Variants in MAP2K5 observed in about 807,000 individuals in gnomAD.
MAP2K5 encodes the protein mitogen-activated protein kinase kinase 5.
In MAP2K5, 49 loss-of-function variants were observed where a neutral mutation model predicts 83.1. The observed-to-expected ratio is 0.59, with a 90% CI of 0.47 to 0.75. MAP2K5 has a LOEUF of 0.75. Among genes scored for constraint, MAP2K5 ranks in the 30% least tolerant of loss-of-function variants. MAP2K5 has a pLI of 0.00. For synonymous variants in MAP2K5, 202 were observed against 191.8 expected (o/e 1.05, Z -0.44); for missense variants, 457 against 557.5 (o/e 0.82, Z 1.82).
intron 8 of MAP2K5, among the ~76,000 whole-genome samples, chr15:67,629,412 A>G (rs574785116): frequency 6.7e-6 from 1 of 150,138 alleles, no homozygotes; most frequent in Non-Finnish European, 1.5e-5. Context: ...TTTTTGCACC[A>G]TGCTGTTGAT....
chr15:67,652,002 T>C lies in MAP2K5; in HGVS notation c.736+5533T>C, dbSNP rs546262012. On this transcript the variant is annotated intron_variant, in intron 11 of 21. Transcript: ENST00000178640. The surrounding 1 kb of genome is among the most constrained non-coding windows in gnomAD (Gnocchi z 4.2). ...ATCAATAGTGTATGAAGGTTCCCCTTTCTCCACATCCTTGCCAGCATCTAT... is the reference window on the plus strand; with the variant it reads ...ATCAATAGTGTATGAAGGTTCCCCTCTCTCCACATCCTTGCCAGCATCTAT... Among the ~76,000 whole-genome samples the C allele has an allele frequency of 5.3e-5, 8 of 152,358 alleles. No homozygotes were observed. Among genetic ancestry groups the C allele is most frequent in the Non-Finnish European group, 1.5e-5 (1 of 68,024 alleles).
At chr15:67,614,041 T>C (rs1300891982) in intron 8 of MAP2K5, among the ~76,000 whole-genome samples, 1 of 152,204 alleles carries the variant, frequency 6.6e-6, no homozygotes, top group Non-Finnish European at 1.5e-5. Flanking sequence ...CCAGAGAATG[T>C]TGAAGACAAC....
At chr15:67,686,603 A>AAATAATAATAATAATAATAATAAT (rs57116318) in intron 13 of MAP2K5, among the ~76,000 whole-genome samples, 1 of 148,452 alleles carries the variant, frequency 6.7e-6, no homozygotes, top group African/African-American at 2.5e-5. Flanking sequence ...ACTGTGTCTC[A>AAATAATAATAATAATAATAATAAT]AATAATAATA....
rs890110306 is a variant in MAP2K5 at position 67,565,459 on chromosome 15, A to T, written c.252+2109A>T. Among the ~76,000 whole-genome samples, 2 of 151,590 alleles carry T rather than the reference A, an allele frequency of 1.3e-5. No homozygotes were observed. Among genetic ancestry groups the T allele is most frequent in the South Asian group, 4.2e-4 (2 of 4,794 alleles). Reference sequence around the variant, plus strand: ...TGGCCAGGCTGGTCTCAAACTCCTGACCCCGTGATCCACCCGCCTCGGCCT... The same window carrying T: ...TGGCCAGGCTGGTCTCAAACTCCTGTCCCCGTGATCCACCCGCCTCGGCCT... On this transcript the variant is annotated intron_variant, in intron 3 of 21. Coordinates refer to ENST00000178640, the MANE Select transcript of MAP2K5 (RefSeq NM_145160.3). This position sits in a 1 kb window ranked among gnomAD's most constrained non-coding sequence, Gnocchi z 4.1.
intron 8 of MAP2K5, among the ~76,000 whole-genome samples, chr15:67,601,145 G>C (rs1030689040): frequency 6.6e-6 from 1 of 152,000 alleles, no homozygotes; most frequent in Non-Finnish European, 1.5e-5. Flanking sequence ...AAATACCATT[G>C]CTTTGCCCTG....
At chr15:67,669,232 G>C (rs2087464225) in intron 13 of MAP2K5, among the ~76,000 whole-genome samples, 1 of 152,134 alleles carries the variant, frequency 6.6e-6, no homozygotes, top group Non-Finnish European at 1.5e-5. Context: ...TTCTAGCAGT[G>C]ATAGAGTGGG....
At position 67,736,329 on chromosome 15, in the gene MAP2K5, C is replaced by T. The variant is rs2089341216; in HGVS notation, c.1074+8384C>T. Among the ~76,000 whole-genome samples the T allele has an allele frequency of 6.6e-6, 1 of 152,206 alleles. No homozygotes were observed. The highest frequency in any genetic ancestry group is 2.1e-4 in the South Asian group (1 of 4,826). On this transcript the variant is annotated intron_variant, in intron 17 of 21. Coordinates refer to ENST00000178640, the MANE Select transcript of MAP2K5 (RefSeq NM_145160.3). This position sits in a 1 kb window ranked among gnomAD's most constrained non-coding sequence, Gnocchi z 4.3. ...TGCCCCTGAGGGGTTCCCTGCCACCCTTTATGAATTTGGCTTGGTATATCA... is the reference window on the plus strand; with the variant it reads ...TGCCCCTGAGGGGTTCCCTGCCACCTTTTATGAATTTGGCTTGGTATATCA...
rs768527739 is a variant in MAP2K5 at position 67,702,741 on chromosome 15, C to A, written c.973-596C>A. On this transcript the variant is annotated intron_variant, in intron 15 of 21. Coordinates refer to ENST00000178640, the MANE Select transcript of MAP2K5 (RefSeq NM_145160.3). The surrounding 1 kb of genome is among the most constrained non-coding windows in gnomAD (Gnocchi z 4.6). ...GGACCTTTCAGACTGTTCCTTGGTT[C>A]ATATACAAAGAAACTCTGATCAATG... 1.3e-5 allele frequency among the ~76,000 whole-genome samples: 2 copies of A among 152,044 alleles called. No individual in the cohort carries two copies. Among genetic ancestry groups the A allele is most frequent in the Non-Finnish European group, 2.9e-5 (2 of 68,016 alleles).
intron 4 of MAP2K5, among the ~76,000 whole-genome samples, chr15:67,583,866 G>C (rs2085235334): frequency 6.6e-6 from 1 of 152,000 alleles, no homozygotes; most frequent in South Asian, 2.1e-4. Context: ...TCTCGCCTCA[G>C]CTCCTGAGTA....
intron 3 of MAP2K5, among the ~76,000 whole-genome samples, chr15:67,576,216 C>T (rs1448749283): frequency 6.8e-6 from 1 of 147,338 alleles, no homozygotes; most frequent in Non-Finnish European, 1.5e-5. Flanking sequence ...TGCTTCCATC[C>T]TTCTCTCTTT....
intron 16 of MAP2K5, among the ~76,000 whole-genome samples, chr15:67,726,767 G>C (rs893519382): frequency 6.6e-6 from 1 of 152,216 alleles, no homozygotes; most frequent in Non-Finnish European, 1.5e-5. Context: ...TAGCGTTAAA[G>C]TCCCTGATGT....
chr15:67,645,371 G>C (rs1460255564), intron 9 of MAP2K5, among the ~76,000 whole-genome samples: 3 of 150,932 alleles, frequency 2.0e-5, no homozygotes, highest in Non-Finnish European at 4.4e-5. Flanking sequence ...CCAGCTACTT[G>C]GGTGGCTGAG....
intron 8 of MAP2K5, among the ~76,000 whole-genome samples, chr15:67,610,671 G>A (rs1451995245): frequency 6.6e-6 from 1 of 151,932 alleles, no homozygotes; most frequent in Non-Finnish European, 1.5e-5. Context: ...CTGTTAAATT[G>A]CTGTCTTACT....
chr15:67,769,569 G>C lies in MAP2K5; in HGVS notation c.1135-33G>C. ...ATAAAGAAAGAGAAGGAACTGTTGT[G>C]ACTTTTGGTGACATGTTTTTCCTCC... On this transcript the variant is annotated intron_variant, in intron 19 of 21. Coordinates refer to ENST00000178640, the MANE Select transcript of MAP2K5 (RefSeq NM_145160.3). The surrounding 1 kb of genome is among the most constrained non-coding windows in gnomAD (Gnocchi z 5.2). 1 of 1,606,208 alleles carries C rather than the reference G, an allele frequency of 6.2e-7. No individual in the cohort carries two copies. The highest frequency in any genetic ancestry group is 8.5e-7 in the Non-Finnish European group (1 of 1,173,056).
rs1233183706 is a variant in MAP2K5 at position 67,724,811 on chromosome 15, T to C, written c.1045-3105T>C. ...AAAATGACTGCTTTCAGTGCCAGCC[T>C]AATAGTGCACTTGCCAGTTTTCACT... On this transcript the variant is annotated intron_variant, in intron 16 of 21. Coordinates refer to ENST00000178640, the MANE Select transcript of MAP2K5 (RefSeq NM_145160.3). This position sits in a 1 kb window ranked among gnomAD's most constrained non-coding sequence, Gnocchi z 4.4. Among the ~76,000 whole-genome samples the C allele has an allele frequency of 6.6e-6, 1 of 152,210 alleles. No homozygotes were observed. Among genetic ancestry groups the C allele is most frequent in the Non-Finnish European group, 1.5e-5 (1 of 68,044 alleles).
intron 13 of MAP2K5, among the ~76,000 whole-genome samples, chr15:67,689,216 C>T (rs1293360387): frequency 1.3e-5 from 2 of 152,114 alleles, no homozygotes; most frequent in African/African-American, 4.8e-5. Flanking sequence ...ATAGCAAGAC[C>T]CTGTCTCTGA....
At position 67,806,944 on chromosome 15, in the gene MAP2K5, A is replaced by T. The variant is rs1201429027; in HGVS notation, c.*194A>T. ...TGGCCCACCCCACCAGGCCATCCCC[A>T]TACCTTCTGGTTTGAAGGCGCTGAC... On this transcript the variant is annotated 3_prime_UTR_variant, in exon 22 of 22. Coordinates refer to ENST00000178640, the MANE Select transcript of MAP2K5 (RefSeq NM_145160.3). The T allele has an allele frequency of 1.2e-5, 19 of 1,570,394 alleles. No homozygotes were observed. The highest frequency in any genetic ancestry group is 1.6e-5 in the Non-Finnish European group (19 of 1,166,296).
intron 4 of MAP2K5, among the ~76,000 whole-genome samples, chr15:67,583,338 A>G (rs1233367458): frequency 6.6e-6 from 1 of 152,148 alleles, no homozygotes; most frequent in African/African-American, 2.4e-5. Context: ...TACTTAAAGG[A>G]GGAAATTATA....
intron 8 of MAP2K5, among the ~76,000 whole-genome samples, chr15:67,615,753 T>C (rs1400014715): frequency 6.6e-6 from 1 of 152,168 alleles, no homozygotes; most frequent in East Asian, 1.9e-4. Flanking sequence ...TTACATTTAG[T>C]TACTGAAACC....
Sources: gnomAD v4.1 joint callset for allele counts (sites outside exome capture counted in the v4.1 genomes callset) on GRCh38, gnomAD v4.1.1 for gene constraint, Gnocchi (gnomAD v3.1) non-coding constraint, MANE v1.5 for transcripts, NCBI Gene and HGNC (gene_info 2026-07-23, HGNC 2026-07-21) for gene names.